Variants in ZFPM2 observed in about 807,000 individuals in gnomAD.
ZFPM2 encodes zinc finger protein, FOG family member 2.
ZFPM2 carries 20 observed loss-of-function variants against 98.6 expected under a neutral mutation model. That is an observed-to-expected ratio of 0.20 (90% CI 0.14 to 0.29). The LOEUF (loss-of-function observed/expected upper bound fraction) is 0.29. ZFPM2 is among the 10% of genes least tolerant of loss of function. The pLI is 1.00. For missense variants in ZFPM2, 1,310 were observed against 1,388.6 expected (o/e 0.94, Z 0.90); for synonymous variants, 518 against 502.7 (o/e 1.03, Z -0.41).
At chr8:105,327,029 A>G (rs897247932) in intron 1 of ZFPM2, among the ~76,000 whole-genome samples, 1 of 151,600 alleles carries the variant, frequency 6.6e-6, no homozygotes, top group Non-Finnish European at 1.5e-5. Context: ...ATTGGAAGAT[A>G]TATTTAATGT....
chr8:105,565,667 G>A (rs145355810), intron 4 of ZFPM2, among the ~76,000 whole-genome samples: 1 of 152,276 alleles, frequency 6.6e-6, no homozygotes, highest in African/African-American at 2.4e-5. Flanking sequence ...AAATGAGATA[G>A]CATATGTGAG....
At chr8:105,635,860 A>C (rs555504449) in intron 5 of ZFPM2, among the ~76,000 whole-genome samples, 3 of 152,114 alleles carry the variant, frequency 2.0e-5, no homozygotes, top group African/African-American at 7.2e-5. Flanking sequence ...GATAATTGTT[A>C]TATATTTTGA....
chr8:105,439,305 TG>T, intron 2 of ZFPM2, among the ~76,000 whole-genome samples: 1 of 152,336 alleles, frequency 6.6e-6, no homozygotes, highest in South Asian at 2.1e-4. Flanking sequence ...TGGGTTGCTC[TG>T]GGGTTATTAT....
intron 3 of ZFPM2, among the ~76,000 whole-genome samples, chr8:105,521,905 A>T (rs1369589884): frequency 5.9e-5 from 9 of 152,192 alleles, no homozygotes; most frequent in Non-Finnish European, 1.2e-4. Context: ...CAGGAAAAAA[A>T]TAAGGAAGAA....
intron 5 of ZFPM2, chr8:105,678,372 T>C (rs1716450451): frequency 6.6e-6 from 1 of 152,198 alleles, no homozygotes; most frequent in Non-Finnish European, 1.5e-5. Flanking sequence ...CAATTGCCCC[T>C]GTCAGTAATA....
At chr8:105,419,687 A>T (rs1462838244) in intron 2 of ZFPM2, among the ~76,000 whole-genome samples, 11 of 152,210 alleles carry the variant, frequency 7.2e-5, no homozygotes, top group Admixed American at 6.5e-5. Flanking sequence ...TGAGTCAGAG[A>T]GTTCTCAACT....
intron 4 of ZFPM2, among the ~76,000 whole-genome samples, chr8:105,576,089 T>C (rs1178408817): frequency 6.6e-6 from 1 of 152,116 alleles, no homozygotes; most frequent in Non-Finnish European, 1.5e-5. Context: ...TAAAATAAAA[T>C]CATTCCTACC....
intron 1 of ZFPM2, among the ~76,000 whole-genome samples, chr8:105,383,415 G>A (rs549437347): frequency 4.6e-5 from 7 of 152,198 alleles, no homozygotes; most frequent in Admixed American, 4.6e-4. Context: ...TCCAGCAGCC[G>A]AATTCTTGGT....
In ZFPM2 at chr8:105,771,648, C is replaced by T. The variant is rs148062409; in HGVS notation, c.533-17070C>T. Among the ~76,000 whole-genome samples, 646 of 152,202 alleles carry T rather than the reference C, an allele frequency of 4.2e-3. 3 individuals are homozygous for T. The highest frequency in any genetic ancestry group is 0.012 in the African/African-American group (483 of 41,540). ...CACGAGCAAAAATTTGAGATTTTGC[C>T]GTTCATTCCCCTAAGATCACCCACT... On this transcript the variant is annotated intron_variant, in intron 5 of 7. Coordinates refer to ENST00000407775, the MANE Select transcript of ZFPM2 (RefSeq NM_012082.4).
chr8:105,756,906 G>C (rs775754983), intron 5 of ZFPM2, among the ~76,000 whole-genome samples: 71 of 152,228 alleles, frequency 4.7e-4, no homozygotes, highest in Middle Eastern at 3.4e-3. Flanking sequence ...GTGATACCTG[G>C]GGCAGCGCGG....
chr8:105,330,619 T>TATATATACATATATATACAC (rs1563606984), intron 1 of ZFPM2, among the ~76,000 whole-genome samples: 4 of 88,470 alleles, frequency 4.5e-5, no homozygotes, highest in East Asian at 2.6e-4. Context: ...TACACATATA[T>TATATATACATATATATACAC]ATATATATAT....
At chr8:105,614,623 A>G (rs145153317) in intron 4 of ZFPM2, among the ~76,000 whole-genome samples, 5 of 152,212 alleles carry the variant, frequency 3.3e-5, no homozygotes, top group Admixed American at 2.0e-4. Context: ...GCTGTTTCCC[A>G]TCACTTAGAT....
rs144947269 is a variant in ZFPM2, at chr8:105,440,979, G to C, written c.200-3301G>C. Reference sequence around the variant, plus strand: ...ATCCTGGCCAACATGGTGAAACCCCGTCTCTACTAAAAATACAAAAAAAAA... The same window carrying C: ...ATCCTGGCCAACATGGTGAAACCCCCTCTCTACTAAAAATACAAAAAAAAA... On this transcript the variant is annotated intron_variant, in intron 2 of 7. Coordinates refer to ENST00000407775, the MANE Select transcript of ZFPM2 (RefSeq NM_012082.4). Among the ~76,000 whole-genome samples the C allele has an allele frequency of 1.7e-3, 259 of 151,748 alleles. 2 individuals carry two copies. Among genetic ancestry groups the C allele is most frequent in the African/African-American group, 6.1e-3 (251 of 41,364 alleles).
At chr8:105,674,179 GAATGCAGAT>G (rs896029166) in intron 5 of ZFPM2, among the ~76,000 whole-genome samples, 3 of 152,144 alleles carry the variant, frequency 2.0e-5, no homozygotes, top group African/African-American at 7.2e-5. Context: ...ATTATAATTA[GAATGCAGAT>G]AATGCAGACG....
chr8:105,555,209 T>C (rs1814958051), intron 3 of ZFPM2, among the ~76,000 whole-genome samples: 1 of 152,120 alleles, frequency 6.6e-6, no homozygotes, highest in Admixed American at 6.6e-5. Flanking sequence ...CAAAATTGAT[T>C]AGTCCGTCCT....
intron 3 of ZFPM2, among the ~76,000 whole-genome samples, chr8:105,461,281 C>A (rs1401587033): frequency 3.3e-5 from 5 of 152,068 alleles, no homozygotes; most frequent in East Asian, 3.9e-4. Flanking sequence ...AATAAAAAAA[C>A]TTGAAATGCC....
chr8:105,668,834 A>G (rs2130900027), intron 5 of ZFPM2, among the ~76,000 whole-genome samples: 1 of 152,312 alleles, frequency 6.6e-6, no homozygotes, highest in South Asian at 2.1e-4. Context: ...TGGATCTAGC[A>G]GGATAATAAT....
At chr8:105,611,225 A>C (rs74875848) in intron 4 of ZFPM2, among the ~76,000 whole-genome samples, 9,316 of 152,296 alleles carry the variant, frequency 0.061, 308 homozygotes, top group Admixed American at 0.094. Context: ...AGACTTAAAA[A>C]TAAAATGAAC....
rs1335465352 is a variant in ZFPM2, at chr8:105,802,123, GA to G, written c.2044del (p.Ser682ValfsTer37). 1 of 1,613,704 alleles carries G rather than the reference GA, an allele frequency of 6.2e-7. No individual in the cohort carries two copies. The highest frequency in any genetic ancestry group is 8.5e-7 in the Non-Finnish European group (1 of 1,179,866). On this transcript the variant is annotated frameshift_variant, in exon 8 of 8. Coordinates refer to ENST00000407775, the MANE Select transcript of ZFPM2 (RefSeq NM_012082.4). LOFTEE classifies it high-confidence loss of function. Reference protein sequence around the residue: ...KNPSVPLVDGESDPNKTTCEA... With the variant: ...KNPSVPLVDGXSDPNKTTCEA... ...TCCCAGTGTCCCCTTAGTGGATGGG[GA>G]AAGTGACCCAAATAAGACTACCTGT... is the stretch of plus-strand genomic sequence containing the variant.
Sources: allele counts gnomAD v4.1 joint callset (sites outside exome capture counted in the v4.1 genomes callset), GRCh38; gene constraint gnomAD v4.1.1; transcripts MANE v1.5; gene names NCBI Gene and HGNC (gene_info 2026-07-23, HGNC 2026-07-21).